Variants in ATRNL1 observed in about 807,000 individuals in gnomAD.
ATRNL1 encodes attractin-like protein 1.
ATRNL1 carries 95 observed loss-of-function variants against 182.7 expected under a neutral mutation model. The observed-to-expected ratio is 0.52, with a 90% confidence interval of 0.44 to 0.62. The LOEUF is 0.62. Among genes scored for constraint, ATRNL1 ranks in the 20% least tolerant of loss-of-function variants. The pLI is 0.00. For missense variants in ATRNL1, 1,471 were observed against 1,679.5 expected (o/e 0.88, Z 2.17); for synonymous variants, 576 against 568.3 (o/e 1.01, Z -0.19).
At chr10:115,776,332 C>T (rs1224976754) in intron 27 of ATRNL1, among the ~76,000 whole-genome samples, 1 of 152,138 alleles carries the variant, frequency 6.6e-6, no homozygotes, top group Non-Finnish European at 1.5e-5. Context: ...CATTTGGCCT[C>T]CCTAGAAGAA....
intron 26 of ATRNL1, among the ~76,000 whole-genome samples, chr10:115,665,525 C>T (rs1047596006): frequency 3.3e-5 from 5 of 151,902 alleles, no homozygotes; most frequent in South Asian, 2.1e-4. Context: ...AGGCAGATGA[C>T]GAGGAGGAAG....
intron 27 of ATRNL1, among the ~76,000 whole-genome samples, chr10:115,819,092 G>C (rs1555089448): frequency 1.3e-5 from 2 of 151,898 alleles, no homozygotes; most frequent in Non-Finnish European, 2.9e-5. Context: ...TCCCTCCTAG[G>C]CTCTCTTTTT....
rs559604736 is a variant in ATRNL1, at chr10:115,762,213, T to C, written c.3903+34858T>C. On this transcript the variant is annotated intron_variant, in intron 27 of 28. Transcript: ENST00000355044. ...AAGGAATTCAAAACACTAAGTTTCC[T>C]TCTTTCTTCTGTTTCAAAAACTATT... 3.3e-5 allele frequency among the ~76,000 whole-genome samples: 5 copies of C among 152,302 alleles called. No homozygotes were observed. The East Asian group carries it at 5.8e-4, about 18-fold the overall frequency.
intron 1 of ATRNL1, among the ~76,000 whole-genome samples, chr10:115,104,821 T>C (rs1278032676): frequency 6.6e-6 from 1 of 152,208 alleles, no homozygotes; most frequent in African/African-American, 2.4e-5. Flanking sequence ...CCAGTGTATG[T>C]GCTTGACACC....
At chr10:115,505,596 T>C (rs1850070984) in intron 24 of ATRNL1, among the ~76,000 whole-genome samples, 1 of 151,992 alleles carries the variant, frequency 6.6e-6, no homozygotes, top group African/African-American at 2.4e-5. Context: ...TAAACTATTT[T>C]AGGTCCCACA....
At chr10:115,345,796 T>C (rs1413206080) in intron 19 of ATRNL1, among the ~76,000 whole-genome samples, 1 of 152,192 alleles carries the variant, frequency 6.6e-6, no homozygotes, top group African/African-American at 2.4e-5. Flanking sequence ...CTGCTATCTG[T>C]CTTTACAAAT....
At chr10:115,592,345 C>A (rs1206397038) in intron 26 of ATRNL1, among the ~76,000 whole-genome samples, 1 of 152,106 alleles carries the variant, frequency 6.6e-6, no homozygotes, top group African/African-American at 2.4e-5. Flanking sequence ...AAGAGATCGC[C>A]AGTGATGGTG....
chr10:115,300,348 T>G (rs1554924098), intron 16 of ATRNL1, 101 bp downstream of exon 16: 1 of 914,372 alleles, frequency 1.1e-6, no homozygotes, highest in African/African-American at 1.7e-5. Context: ...GATATTTATG[T>G]AAATTTTATT....
At chr10:115,176,508 G>C (rs114892481) in intron 8 of ATRNL1, among the ~76,000 whole-genome samples, 1,862 of 152,158 alleles carry the variant, frequency 0.012, 39 homozygotes, top group African/African-American at 0.042. Context: ...AGAATTAGTC[G>C]ATCTGTTGGA....
chr10:115,332,347 C>T (rs1361623327), intron 18 of ATRNL1, among the ~76,000 whole-genome samples: 5 of 152,060 alleles, frequency 3.3e-5, no homozygotes, highest in African/African-American at 7.2e-5. Flanking sequence ...TTTTAGCCCT[C>T]GTGAAGGCAA....
chr10:115,155,921 A>G (rs568112995), intron 5 of ATRNL1, among the ~76,000 whole-genome samples: 1 of 152,190 alleles, frequency 6.6e-6, no homozygotes, highest in African/African-American at 2.4e-5. Flanking sequence ...GACAGGGATC[A>G]GTGGTTGGGG....
At chr10:115,916,661 A>G (rs1555117336) in intron 28 of ATRNL1, among the ~76,000 whole-genome samples, 1 of 152,156 alleles carries the variant, frequency 6.6e-6, no homozygotes, top group Non-Finnish European at 1.5e-5. Flanking sequence ...TGAAAGTCTT[A>G]TTTGAATATT....
At chr10:115,400,011 A>C (rs534422140) in intron 20 of ATRNL1, among the ~76,000 whole-genome samples, 1 of 152,250 alleles carries the variant, frequency 6.6e-6, no homozygotes, top group East Asian at 1.9e-4. Context: ...GAATTGGAGA[A>C]GATTTTTGCA....
At chr10:115,386,479 C>T (rs1396126062) in intron 19 of ATRNL1, among the ~76,000 whole-genome samples, 8 of 152,050 alleles carry the variant, frequency 5.3e-5, no homozygotes, top group African/African-American at 1.7e-4. Context: ...AGACTCCCCA[C>T]TGAGTGCTGT....
chr10:115,166,901 T>G (rs1368422570), intron 7 of ATRNL1, among the ~76,000 whole-genome samples: 1 of 151,960 alleles, frequency 6.6e-6, no homozygotes, highest in Non-Finnish European at 1.5e-5. Context: ...AATTTTAGTT[T>G]AATTTAATTT....
At chr10:115,883,983 T>G (rs1565459946) in intron 28 of ATRNL1, among the ~76,000 whole-genome samples, 1 of 152,226 alleles carries the variant, frequency 6.6e-6, no homozygotes, top group Non-Finnish European at 1.5e-5. Context: ...AATGATTGAT[T>G]CAGTAAGTAA....
chr10:115,874,610 A>G (rs1239013124), intron 28 of ATRNL1, among the ~76,000 whole-genome samples: 8 of 152,208 alleles, frequency 5.3e-5, no homozygotes, highest in African/African-American at 1.9e-4. Flanking sequence ...GGTATCTTCC[A>G]TTTCTACAAA....
At chr10:115,490,237 T>G (rs61880980) in intron 24 of ATRNL1, among the ~76,000 whole-genome samples, 1 of 152,078 alleles carries the variant, frequency 6.6e-6, no homozygotes, top group Non-Finnish European at 1.5e-5. Flanking sequence ...ATCTTTGTGG[T>G]GTTCTCTGTA....
chr10:115,117,169 T>C (rs1844524222), intron 1 of ATRNL1, among the ~76,000 whole-genome samples: 1 of 152,062 alleles, frequency 6.6e-6, no homozygotes, highest in Non-Finnish European at 1.5e-5. Context: ...AGATAGGGTA[T>C]TTATCTCAAG....
Sources: gnomAD v4.1 joint callset for allele counts (sites outside exome capture counted in the v4.1 genomes callset) on GRCh38, gnomAD v4.1.1 for gene constraint, MANE v1.5 for transcripts, NCBI Gene and HGNC (gene_info 2026-07-23, HGNC 2026-07-21) for gene names.